The following FCHSD2 variants were observed in gnomAD, a reference collection of about 807,000 sequenced individuals.
FCHSD2 encodes F-BAR and double SH3 domains protein 2.
FCHSD2 carries 38 observed loss-of-function variants against 108.1 expected under a neutral mutation model. The observed-to-expected ratio is 0.35, with a 90% CI of 0.27 to 0.46. The LOEUF (loss-of-function observed/expected upper bound fraction) is 0.46, where lower values mean the gene tolerates loss of function less well. Among genes scored for constraint, FCHSD2 ranks in the 20% least tolerant of loss-of-function variants. The pLI is 1.00. For synonymous variants in FCHSD2, 279 were observed against 314.7 expected, an observed-to-expected ratio of 0.89 and a Z score of 1.20; for missense variants, 751 against 897.8, an observed-to-expected ratio of 0.84 and a Z score of 2.09.
chr11:73,140,648 C>T (rs896839734), intron 1 of FCHSD2, among the ~76,000 whole-genome samples: 1 of 152,220 alleles, frequency 6.6e-6, no homozygotes, highest in Non-Finnish European at 1.5e-5. Context: ...ATGATGCCCT[C>T]GACTTGCTGA....
Position 73,015,536 on chromosome 11 carries a change from T to G in FCHSD2, c.242+273A>C, listed in dbSNP as rs116526311. On this transcript the variant is annotated intron_variant, in intron 4 of 19. Transcript: ENST00000409418. ...TGTGTTCCATTGTCACCTGCCTTCT[T>G]TAAGTTTCAATTGGGGGTATAATTA... Among the ~76,000 whole-genome samples, 230 of 152,268 alleles carry G rather than the reference T, an allele frequency of 1.5e-3. 1 individual carries two copies. Among genetic ancestry groups the G allele is most frequent in the African/African-American group, 5.2e-3 (215 of 41,542 alleles).
chr11:72,916,872 AAAG>A (rs1216789601), intron 9 of FCHSD2, among the ~76,000 whole-genome samples: 2 of 152,158 alleles, frequency 1.3e-5, no homozygotes, highest in African/African-American at 4.8e-5. Context: ...TCAAGGTCAT[AAAG>A]ATCTATCTCT....
chr11:72,848,689 T>G (rs766390191), intron 14 of FCHSD2, among the ~76,000 whole-genome samples: 1 of 152,232 alleles, frequency 6.6e-6, no homozygotes, highest in Non-Finnish European at 1.5e-5. Context: ...AACGCAGGGA[T>G]GTGCCTGGGA....
rs181954327 is a variant in FCHSD2 at position 73,046,037 on chromosome 11, C to T, written c.166-30152G>A. On this transcript the variant is annotated intron_variant, in intron 3 of 19. Transcript: ENST00000409418. ...ACAGGGTCTCATTTTGTCACCTAGG[C>T]TGAAGTGCAGTGGCAGGATCATAGC... is the stretch of plus-strand genomic sequence containing the variant. 1.2e-3 allele frequency among the ~76,000 whole-genome samples: 172 copies of T among 143,398 alleles called. 1 individual carries two copies. Among genetic ancestry groups the T allele is most frequent in the Middle Eastern group, 3.9e-3 (1 of 256 alleles). The allele number at this position is 143,398 out of a possible 152,430, so 94.1% of individuals were successfully genotyped here. A position where few individuals can be genotyped will look rare whatever the true frequency, so the allele number is the denominator to read the frequency against.
intron 3 of FCHSD2, among the ~76,000 whole-genome samples, chr11:73,074,846 A>C (rs1320388777): frequency 6.6e-6 from 1 of 152,130 alleles, no homozygotes; most frequent in African/African-American, 2.4e-5. Flanking sequence ...CAGGAGTTCG[A>C]GGCTGTAGTG....
chr11:73,072,649 A>T (rs1249797720), intron 3 of FCHSD2, among the ~76,000 whole-genome samples: 1 of 152,218 alleles, frequency 6.6e-6, no homozygotes, highest in African/African-American at 2.4e-5. Flanking sequence ...TCCTATTGTG[A>T]TAGTTATCCT....
chr11:72,948,284 A>G (rs923583145), intron 8 of FCHSD2, among the ~76,000 whole-genome samples: 1 of 152,196 alleles, frequency 6.6e-6, no homozygotes, highest in Non-Finnish European at 1.5e-5. Flanking sequence ...CTGGGATTAC[A>G]AGCGTGAGCC....
In FCHSD2 at chr11:72,859,914, C is replaced by T. The variant is rs145337870; in HGVS notation, c.1308+7951G>A. On this transcript the variant is annotated intron_variant, in intron 13 of 19. Transcript: ENST00000409418. ...TATTAACATTAGTAAGGATACAGAA[C>T]AGCTGTCCCCAATCTTTTAGGCACC... 2.8e-4 allele frequency among the ~76,000 whole-genome samples: 43 copies of T among 152,292 alleles called. No homozygotes were observed. In the East Asian group the frequency reaches 7.9e-3, roughly 28 times the overall value.
chr11:72,850,850 G>C (rs1861267861), intron 13 of FCHSD2, among the ~76,000 whole-genome samples: 1 of 151,862 alleles, frequency 6.6e-6, no homozygotes, highest in Non-Finnish European at 1.5e-5. Context: ...AGCACTTTGG[G>C]AGGCCAAGGT....
At chr11:72,901,709 T>C (rs1158556771) in intron 10 of FCHSD2, among the ~76,000 whole-genome samples, 1 of 151,980 alleles carries the variant, frequency 6.6e-6, no homozygotes. Context: ...GGCAGAGGGG[T>C]AGAGGCATTA....
At chr11:73,015,108 T>G (rs1857941608) in intron 4 of FCHSD2, among the ~76,000 whole-genome samples, 1 of 152,204 alleles carries the variant, frequency 6.6e-6, no homozygotes, top group Admixed American at 6.5e-5. Context: ...CCTCCCCAAG[T>G]GCTGGGATTA....
At chr11:72,974,655 C>T (rs546981442) in intron 8 of FCHSD2, among the ~76,000 whole-genome samples, 2 of 152,104 alleles carry the variant, frequency 1.3e-5, no homozygotes, top group East Asian at 3.9e-4. Context: ...TTTTAAAATG[C>T]ATTTATTTTT....
At chr11:73,067,047 C>T (rs1265172648) in intron 3 of FCHSD2, among the ~76,000 whole-genome samples, 6 of 152,026 alleles carry the variant, frequency 3.9e-5, no homozygotes, top group South Asian at 2.1e-4. Flanking sequence ...ATGTTTATTC[C>T]GGCACTATTC....
intron 2 of FCHSD2, among the ~76,000 whole-genome samples, chr11:73,133,902 G>A (rs1591582458): frequency 6.6e-6 from 1 of 151,882 alleles, no homozygotes; most frequent in East Asian, 1.9e-4. Flanking sequence ...AGGCTGGAGA[G>A]GGTTATGGGG....
intron 12 of FCHSD2, among the ~76,000 whole-genome samples, chr11:72,868,240 A>C (rs542882012): frequency 6.6e-6 from 1 of 152,320 alleles, no homozygotes; most frequent in East Asian, 1.9e-4. Flanking sequence ...CAGCAAACTA[A>C]GGCAGGAACA....
In FCHSD2 at chr11:73,052,997, C is replaced by T. The variant is rs554558189; in HGVS notation, c.165+30698G>A. On this transcript the variant is annotated intron_variant, in intron 3 of 19. Coordinates refer to ENST00000409418, the MANE Select transcript of FCHSD2 (RefSeq NM_014824.3). Reference sequence around the variant, plus strand: ...AAGTAGCTGGGATTACAGATGCCCGCCACCACACCTAGCTAATTTTTGTAT... The same window carrying T: ...AAGTAGCTGGGATTACAGATGCCCGTCACCACACCTAGCTAATTTTTGTAT... Among the ~76,000 whole-genome samples the T allele has an allele frequency of 2.3e-3, 351 of 152,158 alleles. 3 individuals carry two copies. The highest frequency in any genetic ancestry group is 8.1e-3 in the African/African-American group (336 of 41,502).
chr11:73,096,173 C>CA (rs1273241112), intron 2 of FCHSD2, among the ~76,000 whole-genome samples: 3 of 151,382 alleles, frequency 2.0e-5, no homozygotes, highest in African/African-American at 4.9e-5. Flanking sequence ...CACCCATGAG[C>CA]AAAAAAATGC....
At chr11:72,855,499 G>A (rs1224899936) in intron 13 of FCHSD2, among the ~76,000 whole-genome samples, 1 of 152,078 alleles carries the variant, frequency 6.6e-6, no homozygotes, top group East Asian at 1.9e-4. Flanking sequence ...TTCTGGAGAT[G>A]GATGGATGGT....
At chr11:72,961,045 G>T (rs565808062) in intron 8 of FCHSD2, among the ~76,000 whole-genome samples, 1 of 152,278 alleles carries the variant, frequency 6.6e-6, no homozygotes, top group East Asian at 1.9e-4. Flanking sequence ...ACACATGTGA[G>T]GCTGCCTTAG....
Sources: allele counts gnomAD v4.1 joint callset (sites outside exome capture counted in the v4.1 genomes callset), GRCh38; gene constraint gnomAD v4.1.1; transcripts MANE v1.5; gene names NCBI Gene and HGNC (gene_info 2026-07-23, HGNC 2026-07-21).